KTI12: variants seen among roughly 807,000 people sequenced by gnomAD.
KTI12 encodes protein KTI12 homolog.
Under a neutral mutation model 8.8 loss-of-function variants are expected in KTI12, and 8 were observed. The observed-to-expected ratio is 0.91, with a 90% CI of 0.53 to 1.64. KTI12 has a LOEUF of 1.64. Among genes scored for constraint, KTI12 ranks in the 40% most tolerant of loss-of-function variants. The probability of loss-of-function intolerance (pLI) is 0.00; values close to 1 mark genes in which losing one functional copy is unlikely to be tolerated. For missense variants in KTI12, 490 were observed against 492.1 expected (o/e 1.00, Z 0.04); for synonymous variants, 216 against 220.1 (o/e 0.98, Z 0.17).
In KTI12 at chr1:52,032,733, GT is replaced by G. The variant is rs756290711; in HGVS notation, c.1028del (p.Asn343ThrfsTer7). On this transcript the variant is annotated frameshift_variant, in exon 1 of 1. Transcript: ENST00000371614. LOFTEE classifies it high-confidence loss of function. ...TCTGGCTCAAATACTGAAGAAACAT[GT>G]TGGCCAGTTGCGGCAAGTTCTCATT... is the stretch of plus-strand genomic sequence containing the variant. The part of the protein sequence containing the change: ...PNNENLPQLA[N>X]MFLQYLSQSL... 3.7e-6 allele frequency: 6 copies of G among 1,613,150 alleles called. No individual in the cohort carries two copies. In the Admixed American group the frequency reaches 8.3e-5, roughly 22 times the overall value.
chr1:52,032,740 A>G lies in KTI12; in HGVS notation c.1022T>C (p.Leu341Pro). 1.2e-6 allele frequency: 2 copies of G among 1,613,754 alleles called. No homozygotes were observed. Among genetic ancestry groups the G allele is most frequent in the Non-Finnish European group, 1.7e-6 (2 of 1,179,770 alleles). The change falls in exon 1 of 1, where the codon CTG becomes CCG. Residue 341 changes from leucine to proline, a missense_variant. Transcript: ENST00000371614. ...MHPNNENLPQ[L>P]ANMFLQYLSQ... Reference sequence around the variant, plus strand: ...CAAATACTGAAGAAACATGTTGGCCAGTTGCGGCAAGTTCTCATTGTTGGG... The same window carrying G: ...CAAATACTGAAGAAACATGTTGGCCGGTTGCGGCAAGTTCTCATTGTTGGG...
rs1216886943 is a variant in KTI12, at chr1:52,032,486, C to T, written c.*211G>A. 1 of 1,333,896 alleles carries T rather than the reference C, an allele frequency of 7.5e-7. No homozygotes were observed. The highest frequency in any genetic ancestry group is 9.5e-7 in the Non-Finnish European group (1 of 1,047,402). The allele number at this position is 1,333,896 out of a possible 1,614,324, so 82.6% of individuals were successfully genotyped here. A position where few individuals can be genotyped will look rare whatever the true frequency, so the allele number is the denominator to read the frequency against. ...CCTCTGAGGGATTTGCCAGGTTGCA[C>T]CACAATAGTTCTCCATTCTCTTTAG... On this transcript the variant is annotated 3_prime_UTR_variant, in exon 1 of 1. Transcript: ENST00000371614.
rs749087425 is a variant in KTI12, at chr1:52,032,730, C to T, written c.1032G>A (p.Met344Ile). 2.5e-6 allele frequency: 4 copies of T among 1,612,588 alleles called. No homozygotes were observed. The South Asian group carries it at 3.3e-5, about 13-fold the overall frequency. The stretch of plus-strand genomic sequence containing the variant: ...GGCTCTGGCTCAAATACTGAAGAAA[C>T]ATGTTGGCCAGTTGCGGCAAGTTCT... ...NNENLPQLAN[M>I]FLQYLSQSLH The change falls in exon 1 of 1, where the codon ATG (methionine) becomes ATA (isoleucine). Residue 344 changes from methionine (M) to isoleucine (I), a missense_variant. By Grantham distance (10) the Met-to-Ile change is conservative. Coordinates refer to ENST00000371614, the MANE Select transcript of KTI12 (RefSeq NM_138417.3).
In KTI12 at chr1:52,033,057, TAGG is replaced by T. The variant is rs1685801330; in HGVS notation, c.702_704del (p.Leu235del). The stretch of plus-strand genomic sequence containing the variant: ...TCCCCGCCAGGGGCAACGGCTCCTC[TAGG>T]CCCACCAAAGTGAATAAAGGCCGGT... On this transcript the variant is annotated inframe_deletion, in exon 1 of 1. Coordinates refer to ENST00000371614, the MANE Select transcript of KTI12 (RefSeq NM_138417.3). The T allele has an allele frequency of 4.4e-6, 7 of 1,595,326 alleles. No individual in the cohort carries two copies. In the East Asian group the frequency reaches 1.6e-4, roughly 36 times the overall value.
Position 52,033,166 on chromosome 1 carries a change from C to T in KTI12, c.596G>A (p.Gly199Glu), listed in dbSNP as rs1685805564. 11 of 1,614,224 alleles carry T rather than the reference C, an allele frequency of 6.8e-6. No homozygotes were observed. The highest frequency in any genetic ancestry group is 9.3e-6 in the Non-Finnish European group (11 of 1,180,038). Reference protein sequence around the residue: ...TPDSEKSAKHGSGAFYSPELL... With the variant: ...TPDSEKSAKHESGAFYSPELL... Reference sequence around the variant, plus strand: ...TTCGGGAGAGTAAAAGGCACCGGACCCATGCTTTGCAGATTTCTCTGAATC... The same window carrying T: ...TTCGGGAGAGTAAAAGGCACCGGACTCATGCTTTGCAGATTTCTCTGAATC... The change falls in exon 1 of 1, where the codon GGG (glycine) becomes GAG (glutamate). Residue 199 changes from glycine (G) to glutamate (E), a missense_variant. Transcript: ENST00000371614.
rs769787346 is a variant in KTI12, at chr1:52,033,382, C to T, written c.380G>A (p.Gly127Asp). 1.9e-6 allele frequency: 3 copies of T among 1,613,514 alleles called. No individual in the cohort carries two copies. Among genetic ancestry groups the T allele is most frequent in the Non-Finnish European group, 2.5e-6 (3 of 1,179,930 alleles). Reference sequence around the variant, plus strand: ...CCGCCAACTCACACTGACGTTCCGGCCAGGGTTCTCGTTCGCGCCCGCCAC... The same window carrying T: ...CCGCCAACTCACACTGACGTTCCGGTCAGGGTTCTCGTTCGCGCCCGCCAC... Reference protein sequence around the residue: ...PQVAGANENPGRNVSVSWRPR... With the variant: ...PQVAGANENPDRNVSVSWRPR... Residue 127 changes from glycine (G) to aspartate (D), a missense_variant, in exon 1 of 1, where the codon GGC becomes GAC. Coordinates refer to ENST00000371614, the MANE Select transcript of KTI12 (RefSeq NM_138417.3).
Position 52,032,677 on chromosome 1 carries a change from TTC to T in KTI12, c.*18_*19del. 14 of 1,562,380 alleles carry T rather than the reference TTC, an allele frequency of 9.0e-6. No individual in the cohort carries two copies. Among genetic ancestry groups the T allele is most frequent in the Admixed American group, 5.9e-5 (3 of 50,878 alleles). On this transcript the variant is annotated 3_prime_UTR_variant, in exon 1 of 1. Coordinates refer to ENST00000371614, the MANE Select transcript of KTI12 (RefSeq NM_138417.3). ...TGGAGTGGAGATCAGAAGCCATGGC[TTC>T]CCCCCTACCTCCTCTGGTCAGTGCA...
Position 52,032,472 on chromosome 1 carries a change from T to G in KTI12, c.*225A>C, listed in dbSNP as rs1685780286. 1 of 1,312,974 alleles carries G rather than the reference T, an allele frequency of 7.6e-7. No individual in the cohort carries two copies. Among genetic ancestry groups the G allele is most frequent in the Admixed American group, 3.7e-5 (1 of 27,388 alleles). 81.3% of individuals were successfully genotyped at this position (1,312,974 alleles called of 1,614,324 possible). ...CACCTTAGCTCTGTCCTCTGAGGGA[T>G]TTGCCAGGTTGCACCACAATAGTTC... is the stretch of plus-strand genomic sequence containing the variant. On this transcript the variant is annotated 3_prime_UTR_variant, in exon 1 of 1. Coordinates refer to ENST00000371614, the MANE Select transcript of KTI12 (RefSeq NM_138417.3).
Position 52,033,417 on chromosome 1 carries a change from C to G in KTI12, c.345G>C (p.Ala115=), listed in dbSNP as rs1490439117. ...VYCVRPGGPI[A]GPQVAGANEN... is the part of the protein sequence containing the mutation. Reference sequence around the variant, plus strand: ...CGTTCGCGCCCGCCACCTGAGGTCCCGCGATCGGGCCGCCGGGCCGTACGC... The same window carrying G: ...CGTTCGCGCCCGCCACCTGAGGTCCGGCGATCGGGCCGCCGGGCCGTACGC... Residue 115 remains alanine (A), a synonymous_variant, in exon 1 of 1, where the codon GCG becomes GCC. Transcript: ENST00000371614. The G allele has an allele frequency of 1.4e-6, 2 of 1,451,318 alleles. No homozygotes were observed. Among genetic ancestry groups the G allele is most frequent in the African/African-American group, 3.0e-5 (2 of 66,390 alleles). The allele number at this position is 1,451,318 out of a possible 1,614,324, so 89.9% of individuals were successfully genotyped here.
chr1:52,033,004 G>C lies in KTI12; in HGVS notation c.758C>G (p.Ala253Gly), dbSNP rs1685798720. ...CTGCGTAGACTGATGGGGTGGTGGG[G>C]CCCGGTTCTCAAACAGGGCAGAGCG... ...GIRSALFENR[A>G]PPPHQSTQSQ... The change falls in exon 1 of 1, where the codon GCC becomes GGC. Residue 253 changes from alanine to glycine, a missense_variant. Coordinates refer to ENST00000371614, the MANE Select transcript of KTI12 (RefSeq NM_138417.3). 3.8e-6 allele frequency: 6 copies of C among 1,560,516 alleles called. No individual in the cohort carries two copies. The highest frequency in any genetic ancestry group is 2.2e-5 in the East Asian group (1 of 44,604).
At position 52,033,605 on chromosome 1, in the gene KTI12, C is replaced by T; in HGVS notation, c.157G>A (p.Ala53Thr). The T allele has an allele frequency of 6.2e-7, 1 of 1,613,042 alleles. No homozygotes were observed. Among genetic ancestry groups the T allele is most frequent in the Non-Finnish European group, 8.5e-7 (1 of 1,179,926 alleles). ...AEDPAVYGDS[A>T]REKALRGALR... ...GCTCCACGCAATGCCTTCTCACGGG[C>T]AGAATCGCCGTACACCGCTGGGTCC... Residue 53 changes from alanine to threonine, a missense_variant, in exon 1 of 1, where the codon GCC becomes ACC. Ala to Thr is a moderately conservative substitution (Grantham distance 58, BLOSUM62 0). Transcript: ENST00000371614.
chr1:52,033,618 C>T lies in KTI12; in HGVS notation c.144G>A (p.Val48=), dbSNP rs1235126035. 1 of 1,612,608 alleles carries T rather than the reference C, an allele frequency of 6.2e-7. No homozygotes were observed. Among genetic ancestry groups the T allele is most frequent in the Non-Finnish European group, 8.5e-7 (1 of 1,179,904 alleles). The change falls in exon 1 of 1, where the codon GTG becomes GTA. Residue 48 remains valine, a synonymous_variant. Transcript: ENST00000371614. ...CCTTCTCACGGGCAGAATCGCCGTACACCGCTGGGTCCTCTGCGCCCAGGA... is the reference window on the plus strand; with the variant it reads ...CCTTCTCACGGGCAGAATCGCCGTATACCGCTGGGTCCTCTGCGCCCAGGA... ...AAVLGAEDPA[V]YGDSAREKAL...
In KTI12 at chr1:52,032,708, T is replaced by C. The variant is rs957525917; in HGVS notation, c.1054A>G (p.Ser352Gly). Residue 352 changes from serine to glycine, a missense_variant, in exon 1 of 1, where the codon AGC becomes GGC. Transcript: ENST00000371614. ...ANMFLQYLSQ[S>G]LH ...CCTACCTCCTCTGGTCAGTGCAGGC[T>C]CTGGCTCAAATACTGAAGAAACATG... 5.6e-6 allele frequency: 9 copies of C among 1,607,220 alleles called. No individual in the cohort carries two copies. Among genetic ancestry groups the C allele is most frequent in the Admixed American group, 1.7e-5 (1 of 59,598 alleles).
Position 52,032,830 on chromosome 1 carries a change from C to A in KTI12, c.932G>T (p.Arg311Leu). ...PGTTEHLRFTRPLTMAELSRL... is the reference protein window; with the variant it reads ...PGTTEHLRFTLPLTMAELSRL... ...ACTCAGTTCTGCCATGGTCAAGGGC[C>A]GGGTAAACCGCAAGTGCTCTGTGGT... Residue 311 changes from arginine to leucine, a missense_variant, in exon 1 of 1, where the codon CGG becomes CTG. Coordinates refer to ENST00000371614, the MANE Select transcript of KTI12 (RefSeq NM_138417.3). The A allele has an allele frequency of 6.2e-7, 1 of 1,614,228 alleles. No individual in the cohort carries two copies. The highest frequency in any genetic ancestry group is 8.5e-7 in the Non-Finnish European group (1 of 1,180,050).
rs1033848044 is a variant in KTI12, at chr1:52,033,573, T to G, written c.189A>C (p.Arg63=). 7 of 1,613,606 alleles carry G rather than the reference T, an allele frequency of 4.3e-6. No homozygotes were observed. Among genetic ancestry groups the G allele is most frequent in the Non-Finnish European group, 5.9e-6 (7 of 1,179,944 alleles). The change falls in exon 1 of 1, where the codon CGA becomes CGC. Residue 63 remains arginine (R), a synonymous_variant. Coordinates refer to ENST00000371614, the MANE Select transcript of KTI12 (RefSeq NM_138417.3). ...GACTCAGGCGCCGTTCCACGGAGGCTCGCAGAGCTCCACGCAATGCCTTCT... is the reference window on the plus strand; with the variant it reads ...GACTCAGGCGCCGTTCCACGGAGGCGCGCAGAGCTCCACGCAATGCCTTCT... The part of the protein sequence containing the change: ...AREKALRGAL[R]ASVERRLSRH...
chr1:52,033,668 C>G lies in KTI12; in HGVS notation c.94G>C (p.Val32Leu). The G allele has an allele frequency of 6.2e-7, 1 of 1,611,132 alleles. No individual in the cohort carries two copies. The highest frequency in any genetic ancestry group is 8.5e-7 in the Non-Finnish European group (1 of 1,179,806). The part of the protein sequence containing the change: ...RVALAAEGRA[V>L]YVVDDAAVLG... ...ACAGCTGCGTCGTCCACCACGTACA[C>G]CGCGCGGCCCTCGGCAGCCAGCGCC... The change falls in exon 1 of 1, where the codon GTG becomes CTG. Residue 32 changes from valine (V) to leucine (L), a missense_variant. Coordinates refer to ENST00000371614, the MANE Select transcript of KTI12 (RefSeq NM_138417.3).
Position 52,032,358 on chromosome 1 carries a change from A to G in KTI12, c.*339T>C. On this transcript the variant is annotated 3_prime_UTR_variant, in exon 1 of 1. Coordinates refer to ENST00000371614, the MANE Select transcript of KTI12 (RefSeq NM_138417.3). ...GTTTTAAAACAATTCTCATCTATCC[A>G]GTCTGCTCTCCCACGCCTCAGATGA... 1 of 1,077,620 alleles carries G rather than the reference A, an allele frequency of 9.3e-7. No homozygotes were observed. Among genetic ancestry groups the G allele is most frequent in the South Asian group, 4.1e-5 (1 of 24,664 alleles). 66.8% of individuals were successfully genotyped at this position (1,077,620 alleles called of 1,614,324 possible).
rs140463476 is a variant in KTI12, at chr1:52,033,169, T to C, written c.593A>G (p.His198Arg). 2,431 of 1,614,110 alleles carry C rather than the reference T, an allele frequency of 1.5e-3. 4 individuals carry two copies. The highest frequency in any genetic ancestry group is 1.9e-3 in the Non-Finnish European group (2,236 of 1,180,056). ...VTPDSEKSAK[H>R]GSGAFYSPEL... The stretch of plus-strand genomic sequence containing the variant: ...GGGAGAGTAAAAGGCACCGGACCCA[T>C]GCTTTGCAGATTTCTCTGAATCCGG... The change falls in exon 1 of 1, where the codon CAT (histidine) becomes CGT (arginine). Residue 198 changes from histidine (H) to arginine (R), a missense_variant. Transcript: ENST00000371614.
Position 52,032,658 on chromosome 1 carries a change from G to A in KTI12, c.*39C>T. ...TTTTCCCAGAGAAATAAAGTGGAGT[G>A]GAGATCAGAAGCCATGGCTTCCCCC... On this transcript the variant is annotated 3_prime_UTR_variant, in exon 1 of 1. Transcript: ENST00000371614. 6.5e-7 allele frequency: 1 copy of A among 1,548,888 alleles called. No individual in the cohort carries two copies. Among genetic ancestry groups the A allele is most frequent in the South Asian group, 1.3e-5 (1 of 79,444 alleles).
Sources: allele counts gnomAD v4.1 joint callset, GRCh38; gene constraint gnomAD v4.1.1; transcripts MANE v1.5; gene names NCBI Gene and HGNC (gene_info 2026-07-23, HGNC 2026-07-21).